Variants in RNF6 observed in about 807,000 individuals in gnomAD.
RNF6 encodes E3 ubiquitin-protein ligase RNF6.
RNF6 carries 21 observed loss-of-function variants against 50.1 expected under a neutral mutation model. That is an observed-to-expected ratio of 0.42 (90% CI 0.30 to 0.60). The LOEUF (loss-of-function observed/expected upper bound fraction) is 0.60. Among genes scored for constraint, RNF6 ranks in the 20% least tolerant of loss-of-function variants. RNF6 has a pLI of 0.20. For synonymous variants in RNF6, 255 were observed against 291.8 expected, an observed-to-expected ratio of 0.87 and a Z score of 1.29; for missense variants, 698 against 838.2, an observed-to-expected ratio of 0.83 and a Z score of 2.07.
Position 26,222,210 on chromosome 13 carries a change from G to T in RNF6, c.-309C>A, listed in dbSNP as rs529403972. 1 of 152,374 alleles carries T rather than the reference G, an allele frequency of 6.6e-6. No individual in the cohort carries two copies. The highest frequency in any genetic ancestry group is 1.5e-5 in the Non-Finnish European group (1 of 68,152). The allele number at this position is 152,374 out of a possible 1,614,324, so 9.4% of individuals were successfully genotyped here. ...GGTCGTCCAGCTGGAGGGGATACTC[G>T]GGAGGAAGAACGGCAGGCCCCAGCC... On this transcript the variant is annotated 5_prime_UTR_variant, in exon 1 of 5. Coordinates refer to ENST00000381588, the MANE Select transcript of RNF6 (RefSeq NM_005977.4).
At chr13:26,183,791 C>G (rs764507730) in intron 5 of RNF6, among the ~76,000 whole-genome samples, 2 of 151,232 alleles carry the variant, frequency 1.3e-5, no homozygotes, top group African/African-American at 2.4e-5. Flanking sequence ...CATATTCTCA[C>G]AGAAAGTATA....
intron 5 of RNF6, among the ~76,000 whole-genome samples, chr13:26,168,084 A>T (rs947638233): frequency 6.6e-6 from 1 of 152,222 alleles, no homozygotes; most frequent in Non-Finnish European, 1.5e-5. Flanking sequence ...AGAGAAAAAA[A>T]TAATTATTAT....
Position 26,214,015 on chromosome 13 carries a change from T to C in RNF6, c.1867A>G (p.Ser623Gly), listed in dbSNP as rs1397718375. 3.7e-6 allele frequency: 6 copies of C among 1,614,224 alleles called. No homozygotes were observed. The highest frequency in any genetic ancestry group is 1.6e-4 in the Middle Eastern group (1 of 6,062). The change falls in exon 5 of 5, where the codon AGT becomes GGT. Residue 623 changes from serine (S) to glycine (G), a missense_variant. Ser to Gly is a moderately conservative substitution (Grantham distance 56). Transcript: ENST00000381588. ...ATTTTACCTAGTTCACTATCAATAC[T>C]GTTATGCTCATAGTGCCTGGTGGAA... is the stretch of plus-strand genomic sequence containing the variant. ...NLSTRHYEHN[S>G]IDSELGKICS... is the part of the protein sequence containing the mutation.
chr13:26,176,578 T>C (rs1438099573), intron 5 of RNF6, among the ~76,000 whole-genome samples: 1 of 152,230 alleles, frequency 6.6e-6, no homozygotes, highest in Admixed American at 6.5e-5. Flanking sequence ...TCTGCCAATG[T>C]ATTCAAGTCG....
chr13:26,146,281 G>A (rs148201861), intron 5 of RNF6, among the ~76,000 whole-genome samples: 188 of 152,342 alleles, frequency 1.2e-3, no homozygotes, highest in African/African-American at 4.3e-3. Context: ...CAGTCTGGAA[G>A]TCAGACTATT....
intron 5 of RNF6, among the ~76,000 whole-genome samples, chr13:26,143,231 T>G (rs1199359969): frequency 6.6e-6 from 1 of 152,198 alleles, no homozygotes; most frequent in East Asian, 1.9e-4. Flanking sequence ...CTTAATCATA[T>G]GTCATGGTAA....
intron 5 of RNF6, among the ~76,000 whole-genome samples, chr13:26,201,350 G>A (rs1868891231): frequency 6.6e-6 from 1 of 152,204 alleles, no homozygotes; most frequent in South Asian, 2.1e-4. Context: ...TTGTACACTA[G>A]TGAAGACTAT....
At position 26,213,660 on chromosome 13, in the gene RNF6, AT is replaced by A. The variant is rs1869483798; in HGVS notation, c.*163del. ...TTAACATTTGTATTTTAAATTTTAT[AT>A]AAATTTCTTTTTAACAAGTTTAAAA... is the stretch of plus-strand genomic sequence containing the variant. On this transcript the variant is annotated 3_prime_UTR_variant, in exon 5 of 5. Coordinates refer to ENST00000381588, the MANE Select transcript of RNF6 (RefSeq NM_005977.4). The A allele has an allele frequency of 1.3e-5, 6 of 469,680 alleles. No individual in the cohort carries two copies. The South Asian group carries it at 3.4e-4, about 27-fold the overall frequency. 29.1% of individuals were successfully genotyped at this position (469,680 alleles called of 1,614,324 possible). A position where few individuals can be genotyped will look rare whatever the true frequency, so the allele number is the denominator to read the frequency against.
chr13:26,174,704 T>C (rs1397616383), intron 5 of RNF6, among the ~76,000 whole-genome samples: 1 of 152,108 alleles, frequency 6.6e-6, no homozygotes. Flanking sequence ...AAGGCTAATA[T>C]CCTGAATGTT....
intron 5 of RNF6, among the ~76,000 whole-genome samples, chr13:26,191,820 AAGC>A (rs1868476707): frequency 6.6e-6 from 1 of 152,218 alleles, no homozygotes; most frequent in African/African-American, 2.4e-5. Context: ...GGAGGAATAA[AAGC>A]AGGGAAGAGA....
At chr13:26,161,611 G>T (rs1463196249) in intron 5 of RNF6, among the ~76,000 whole-genome samples, 1 of 152,118 alleles carries the variant, frequency 6.6e-6, no homozygotes, top group East Asian at 1.9e-4. Flanking sequence ...TTTACTTGTT[G>T]GTTGTTGTTA....
At chr13:26,143,464 G>A (rs1871065360) in intron 5 of RNF6, among the ~76,000 whole-genome samples, 3 of 152,156 alleles carry the variant, frequency 2.0e-5, no homozygotes, top group Non-Finnish European at 4.4e-5. Context: ...GCCTCCGGAT[G>A]GAAGCATTCT....
intron 5 of RNF6, among the ~76,000 whole-genome samples, chr13:26,143,115 C>G (rs1005923512): frequency 2.0e-5 from 3 of 152,156 alleles, no homozygotes; most frequent in African/African-American, 7.2e-5. Context: ...AGCACTTCAA[C>G]TAGTTGTGGT....
rs138446136 is a variant in RNF6, at chr13:26,142,706, A to G, written n.769-10255T>C. ...CAGACATAAGATGGGAACGATAGAC[A>G]TGGGGGACTCCAAGAGGAGGGAGGG... On this transcript the variant is annotated intron_variant and non_coding_transcript_variant, in intron 5 of 5. Coordinates refer to the RNF6 transcript ENST00000468480. Among the ~76,000 whole-genome samples, 7 of 152,260 alleles carry G rather than the reference A, an allele frequency of 4.6e-5. No homozygotes were observed. The East Asian group carries it at 1.4e-3, about 29-fold the overall frequency.
intron 4 of RNF6, among the ~76,000 whole-genome samples, chr13:26,216,196 C>A (rs1286005793): frequency 6.6e-6 from 1 of 152,194 alleles, no homozygotes; most frequent in Admixed American, 6.5e-5. Flanking sequence ...TACTTAAGGT[C>A]TCTATGGCTG....
At chr13:26,196,213 A>G (rs1256552635) in intron 5 of RNF6, among the ~76,000 whole-genome samples, 1 of 152,240 alleles carries the variant, frequency 6.6e-6, no homozygotes, top group Non-Finnish European at 1.5e-5. Context: ...AGTTATCACA[A>G]ACATACACTG....
chr13:26,176,026 C>A (rs1872942174), intron 5 of RNF6, among the ~76,000 whole-genome samples: 1 of 152,094 alleles, frequency 6.6e-6, no homozygotes, highest in Non-Finnish European at 1.5e-5. Context: ...TTGTCCACAT[C>A]AACTCTTTAC....
chr13:26,149,870 GTATATA>G lies in RNF6; in HGVS notation n.769-17425_769-17420del, dbSNP rs749089662. ...CACAGTGTATATATAATGTGTGTGTGTATATATATATATATATATATATACACACAC... is the reference window on the plus strand; with the variant it reads ...CACAGTGTATATATAATGTGTGTGTGTATATATATATATATATACACACAC... On this transcript the variant is annotated intron_variant and non_coding_transcript_variant, in intron 5 of 5. Transcript: ENST00000468480. Among the ~76,000 whole-genome samples the G allele has an allele frequency of 1.2e-4, 9 of 74,000 alleles. 1 individual carries two copies. The highest frequency in any genetic ancestry group is 4.1e-4 in the African/African-American group (8 of 19,650). The allele number at this position is 74,000 out of a possible 152,430, so 48.5% of individuals were successfully genotyped here. A position where few individuals can be genotyped will look rare whatever the true frequency, so the allele number is the denominator to read the frequency against.
intron 5 of RNF6, among the ~76,000 whole-genome samples, chr13:26,173,589 A>C (rs1872805510): frequency 1.3e-5 from 2 of 152,298 alleles, no homozygotes; most frequent in African/African-American, 4.8e-5. Context: ...ATCATGCACA[A>C]CACATTCATA....
Sources: allele counts gnomAD v4.1 joint callset (sites outside exome capture counted in the v4.1 genomes callset), GRCh38; gene constraint gnomAD v4.1.1; transcripts MANE v1.5; gene names NCBI Gene and HGNC (gene_info 2026-07-23, HGNC 2026-07-21).